Variants in DENND5B observed in about 807,000 individuals in gnomAD.
DENND5B encodes DENN domain-containing protein 5B.
DENND5B carries 34 observed loss-of-function variants against 140.6 expected under a neutral mutation model. That is an observed-to-expected ratio of 0.24 (90% CI 0.18 to 0.32). DENND5B has a LOEUF of 0.32. Among genes scored for constraint, DENND5B ranks in the 10% least tolerant of loss-of-function variants. DENND5B has a pLI of 1.00. For missense variants in DENND5B, 1,142 were observed against 1,560.2 expected (o/e 0.73, Z 4.52); for synonymous variants, 551 against 562.1 (o/e 0.98, Z 0.28).
intron 8 of DENND5B, among the ~76,000 whole-genome samples, chr12:31,430,497 C>CAAAAAAAA (rs71062432): frequency 1.1e-4 from 6 of 56,070 alleles, no homozygotes; most frequent in Admixed American, 2.7e-4. Flanking sequence ...ACTAAAAATA[C>CAAAAAAAA]AAAAAAAAAA....
chr12:31,465,675 G>A (rs1009920496), intron 3 of DENND5B: 1 of 152,072 alleles, frequency 6.6e-6, no homozygotes, highest in South Asian at 2.1e-4. Flanking sequence ...CAATGTGACT[G>A]AGCATTATCT....
intron 18 of DENND5B, 69 bp from the exon 19 acceptor site, chr12:31,392,462 A>G: frequency 6.3e-7 from 1 of 1,592,600 alleles, no homozygotes; most frequent in East Asian, 2.2e-5. Flanking sequence ...ACACTAGAGA[A>G]GCAAGTGCTG....
intron 1 of DENND5B, among the ~76,000 whole-genome samples, chr12:31,498,972 C>CA (rs369875785): frequency 0.64 from 64,030 of 99,584 alleles, 19,224 homozygotes; most frequent in East Asian, 0.83. Context: ...GGCTCCGTCT[C>CA]AAAAAAAAAA....
chr12:31,404,336 G>A (rs908861790), intron 14 of DENND5B, among the ~76,000 whole-genome samples: 28 of 152,100 alleles, frequency 1.8e-4, no homozygotes, highest in African/African-American at 6.3e-4. Context: ...TAGCTCTGTC[G>A]CCCAGTCTGA....
intron 2 of DENND5B, among the ~76,000 whole-genome samples, chr12:31,487,740 C>T (rs1946366391): frequency 6.6e-6 from 1 of 152,036 alleles, no homozygotes; most frequent in African/African-American, 2.4e-5. Context: ...ACCCTAAAAA[C>T]CCAAAAACTT....
intron 3 of DENND5B, among the ~76,000 whole-genome samples, chr12:31,474,113 T>C (rs946524845): frequency 2.6e-5 from 4 of 152,208 alleles, no homozygotes; most frequent in African/African-American, 9.6e-5. Context: ...CTGACAAGGT[T>C]AATTCACATA....
chr12:31,590,995 G>C lies in DENND5B; in HGVS notation c.-163C>G. 2 of 795,792 alleles carry C rather than the reference G, an allele frequency of 2.5e-6. No individual in the cohort carries two copies. The highest frequency in any genetic ancestry group is 1.9e-5 in the African/African-American group (1 of 53,414). The allele number at this position is 795,792 out of a possible 1,614,324, so 49.3% of individuals were successfully genotyped here. On this transcript the variant is annotated 5_prime_UTR_variant, in exon 1 of 21. Transcript: ENST00000389082. ...TCTCGCCGCCGCAGCCTGCCTCCTC[G>C]CTCGGCGCGGGGGAAGCGGCCGCGG... is the stretch of plus-strand genomic sequence containing the variant.
In DENND5B at chr12:31,451,299, G is replaced by T. The variant is rs148618590; in HGVS notation, c.1629+641C>A. Among the ~76,000 whole-genome samples the T allele has an allele frequency of 1.2e-4, 18 of 152,140 alleles. No homozygotes were observed. The East Asian group carries it at 3.1e-3, about 26-fold the overall frequency. ...AACAGATTTGGAAAACCTGCAAAAT[G>T]TAAGAGTTTCTATAAATTTTTATTT... On this transcript the variant is annotated intron_variant, in intron 5 of 20. Transcript: ENST00000389082.
chr12:31,426,519 C>G, intron 8 of DENND5B, 95 bp from the exon 9 acceptor site: 1 of 1,387,750 alleles, frequency 7.2e-7, no homozygotes, highest in Non-Finnish European at 9.6e-7. Flanking sequence ...AAATGAAATG[C>G]AAAAAAGTCC....
chr12:31,534,991 T>C (rs998728886), intron 1 of DENND5B: 10 of 242,768 alleles, frequency 4.1e-5, no homozygotes, highest in Non-Finnish European at 6.1e-5. Context: ...GGAAGATAGC[T>C]TGAACCTGGG....
At position 31,387,400 on chromosome 12, in the gene DENND5B, GA is replaced by G. The variant is rs1489676197; in HGVS notation, c.*202del. 42 of 501,656 alleles carry G rather than the reference GA, an allele frequency of 8.4e-5. No individual in the cohort carries two copies. Among genetic ancestry groups the G allele is most frequent in the Non-Finnish European group, 1.2e-4 (33 of 284,558 alleles). 31.1% of individuals were successfully genotyped at this position (501,656 alleles called of 1,614,324 possible). A position where few individuals can be genotyped will look rare whatever the true frequency, so the allele number is the denominator to read the frequency against. The stretch of plus-strand genomic sequence containing the variant: ...GCATATTTACACACATCTAACACAT[GA>G]AAATACTCTATTTTATACTAAATTC... On this transcript the variant is annotated 3_prime_UTR_variant, in exon 21 of 21. Transcript: ENST00000389082.
intron 1 of DENND5B, among the ~76,000 whole-genome samples, chr12:31,516,321 TAA>T (rs1262660867): frequency 6.6e-6 from 1 of 151,602 alleles, no homozygotes; most frequent in African/African-American, 2.4e-5. Context: ...ACAAAAAATA[TAA>T]AAATTAGACA....
At chr12:31,535,184 G>T in intron 1 of DENND5B, 1 of 292,368 alleles carries the variant, frequency 3.4e-6, no homozygotes, top group South Asian at 4.0e-5. Context: ...GTACTGTGCA[G>T]GGGTGTCCAG....
chr12:31,562,471 G>A lies in DENND5B; in HGVS notation c.127+28235C>T, dbSNP rs192328130. 1.1e-4 allele frequency among the ~76,000 whole-genome samples: 16 copies of A among 152,178 alleles called. No individual in the cohort carries two copies. The East Asian group carries it at 2.9e-3, about 28-fold the overall frequency. On this transcript the variant is annotated intron_variant, in intron 1 of 20. Transcript: ENST00000389082. Reference sequence around the variant, plus strand: ...AATACAAATACAAAATTAGCTGGGCGTGGTGGCGGGCACCTATAATTCCAG... The same window carrying A: ...AATACAAATACAAAATTAGCTGGGCATGGTGGCGGGCACCTATAATTCCAG...
At chr12:31,476,292 T>C (rs1441247856) in intron 3 of DENND5B, among the ~76,000 whole-genome samples, 2 of 151,610 alleles carry the variant, frequency 1.3e-5, no homozygotes, top group Non-Finnish European at 2.9e-5. Context: ...AAAGGTTTTA[T>C]GTTAAATGTA....
intron 7 of DENND5B, among the ~76,000 whole-genome samples, chr12:31,438,174 C>T (rs1174271692): frequency 6.6e-6 from 1 of 152,166 alleles, no homozygotes; most frequent in Non-Finnish European, 1.5e-5. Flanking sequence ...GGGGTTCCAC[C>T]ATCTCGGCCA....
chr12:31,576,419 G>A (rs530351195), intron 1 of DENND5B, among the ~76,000 whole-genome samples: 1 of 151,902 alleles, frequency 6.6e-6, no homozygotes, highest in Non-Finnish European at 1.5e-5. Flanking sequence ...TCATGCCACT[G>A]CACTCCAGCC....
intron 1 of DENND5B, among the ~76,000 whole-genome samples, chr12:31,550,251 T>A (rs1415327384): frequency 7.7e-6 from 1 of 130,118 alleles, no homozygotes; most frequent in Admixed American, 8.5e-5. Flanking sequence ...TGTGTGATGT[T>A]CCCCTTCCTG....
intron 1 of DENND5B, among the ~76,000 whole-genome samples, chr12:31,583,800 T>C (rs1203436640): frequency 1.3e-5 from 2 of 152,208 alleles, no homozygotes; most frequent in African/African-American, 2.4e-5. Context: ...CAGATTCTTA[T>C]AGGACAGTGG....
Sources: gnomAD v4.1 joint callset for allele counts (sites outside exome capture counted in the v4.1 genomes callset) on GRCh38, gnomAD v4.1.1 for gene constraint, MANE v1.5 for transcripts, NCBI Gene and HGNC (gene_info 2026-07-23, HGNC 2026-07-21) for gene names.